The following DYM variants were observed in gnomAD, a reference collection of about 807,000 sequenced individuals.
DYM encodes the protein dyggve-Melchior-Clausen syndrome protein.
Under a neutral mutation model 93.1 loss-of-function variants are expected in DYM, and 78 were observed. That is an observed-to-expected ratio of 0.84 (90% CI 0.70 to 1.01). DYM has a LOEUF of 1.01. Ranked by LOEUF, DYM falls within the 50% of genes least tolerant of loss-of-function variation. The pLI is 0.00. For missense variants in DYM, 789 were observed against 845.0 expected (o/e 0.93, Z 0.82); for synonymous variants, 321 against 319.7 (o/e 1.00, Z -0.04).
At chr18:49,272,030 C>T (rs534411412) in intron 11 of DYM, 148 bp downstream of exon 11, 5 of 573,166 alleles carry the variant, frequency 8.7e-6, no homozygotes, top group African/African-American at 7.8e-5. Context: ...AAAAGCACCG[C>T]TTCATAAATC....
intron 6 of DYM, among the ~76,000 whole-genome samples, chr18:49,350,726 G>GAAAAAAAAAAAAAAAAAAA (rs72289769): frequency 7.0e-4 from 84 of 119,862 alleles, no homozygotes; most frequent in Non-Finnish European, 9.0e-4. Context: ...GAAAAAAAAA[G>GAAAAAAAAAAAAAAAAAAA]AAAAAAAAAA....
intron 17 of DYM, among the ~76,000 whole-genome samples, chr18:49,049,232 A>G (rs890368434): frequency 1.3e-5 from 2 of 152,226 alleles, no homozygotes; most frequent in Non-Finnish European, 2.9e-5. Context: ...AAGAATTTAC[A>G]TATAGTTACT....
chr18:49,100,776 C>T (rs534188799), intron 16 of DYM, among the ~76,000 whole-genome samples: 20 of 152,266 alleles, frequency 1.3e-4, no homozygotes, highest in African/African-American at 3.9e-4. Flanking sequence ...AAATCTCTGT[C>T]CTACAGAATT....
intron 17 of DYM, among the ~76,000 whole-genome samples, chr18:49,092,506 G>A (rs758641126): frequency 5.3e-5 from 8 of 152,172 alleles, no homozygotes; most frequent in Admixed American, 2.0e-4. Context: ...CAACGCAAGG[G>A]GGTGCCTTTC....
chr18:49,165,525 A>G (rs2087751929), intron 14 of DYM, among the ~76,000 whole-genome samples: 1 of 152,164 alleles, frequency 6.6e-6, no homozygotes, highest in Non-Finnish European at 1.5e-5. Flanking sequence ...TTTAAAAAGG[A>G]TATCCATTGA....
At chr18:49,327,912 C>G (rs2063017691) in intron 8 of DYM, among the ~76,000 whole-genome samples, 1 of 152,028 alleles carries the variant, frequency 6.6e-6, no homozygotes, top group Admixed American at 6.6e-5. Context: ...CAGGGGACAC[C>G]CACACAAGTC....
intron 17 of DYM, among the ~76,000 whole-genome samples, chr18:49,050,904 C>T (rs903586314): frequency 1.3e-5 from 2 of 151,994 alleles, no homozygotes; most frequent in Non-Finnish European, 1.5e-5. Context: ...TCTTAAGGCA[C>T]GTTTGCTGAA....
Position 49,333,833 on chromosome 18 carries a change from G to A in DYM, c.515C>T (p.Ser172Leu), listed in dbSNP as rs2063485828. 1 of 1,611,214 alleles carries A rather than the reference G, an allele frequency of 6.2e-7. No homozygotes were observed. The highest frequency in any genetic ancestry group is 1.3e-5 in the African/African-American group (1 of 74,836). Residue 172 changes from serine (S) to leucine (L), a missense_variant, in exon 7 of 18, where the codon TCA becomes TTA. By Grantham distance (145) the Ser-to-Leu change is moderately radical. Transcript: ENST00000675505. The part of the protein sequence containing the change: ...IPLLDITYEI[S>L]VEAISTMVVF... ...AACCATTGTTGATATAGCTTCTACT[G>A]ATATTTCATATGTAATATCTCTAAA...
At chr18:49,067,290 GCA>G (rs2076507317) in intron 17 of DYM, among the ~76,000 whole-genome samples, 4 of 109,966 alleles carry the variant, frequency 3.6e-5, no homozygotes, top group Admixed American at 1.1e-4. Context: ...GGTGATGTGA[GCA>G]CTATGGAGGT....
intron 1 of DYM, among the ~76,000 whole-genome samples, chr18:49,458,008 T>C (rs77330455): frequency 6.6e-6 from 1 of 152,174 alleles, no homozygotes; most frequent in Non-Finnish European, 1.5e-5. Flanking sequence ...CACAGCCTTG[T>C]TGACAGCCAG....
At chr18:49,424,491 C>G (rs1040011130) in intron 2 of DYM, among the ~76,000 whole-genome samples, 8 of 151,940 alleles carry the variant, frequency 5.3e-5, no homozygotes, top group African/African-American at 1.9e-4. Flanking sequence ...TGGCACAGGA[C>G]AGGGATGCCT....
chr18:49,131,379 A>AT (rs1272375349), intron 15 of DYM, among the ~76,000 whole-genome samples: 83 of 151,760 alleles, frequency 5.5e-4, no homozygotes, highest in East Asian at 1.4e-3. Context: ...CGCCTGACTG[A>AT]TTTTTTTTAA....
At chr18:49,277,301 G>C (rs1364823733) in intron 10 of DYM, among the ~76,000 whole-genome samples, 1 of 152,088 alleles carries the variant, frequency 6.6e-6, no homozygotes, top group East Asian at 1.9e-4. Flanking sequence ...GATGTTTTAG[G>C]GAGAAGTACA....
chr18:49,249,702 T>C (rs1401219219), intron 13 of DYM, among the ~76,000 whole-genome samples: 1 of 151,712 alleles, frequency 6.6e-6, no homozygotes, highest in African/African-American at 2.4e-5. Flanking sequence ...ATATGTGTCA[T>C]CATGAGTGCA....
In DYM at chr18:49,276,003, T is replaced by A. The variant is rs976713227; in HGVS notation, c.1126-3700A>T. Among the ~76,000 whole-genome samples, 16 of 152,304 alleles carry A rather than the reference T, an allele frequency of 1.1e-4. No homozygotes were observed. The Middle Eastern group carries it at 0.01, about 97-fold the overall frequency. ...TTAGGATTATCTATATATAAGATAA[T>A]GTCATCTGCAAATACAGATAATTTT... On this transcript the variant is annotated intron_variant, in intron 10 of 17. Transcript: ENST00000675505.
At chr18:49,120,809 T>G (rs998823877) in intron 15 of DYM, among the ~76,000 whole-genome samples, 108 of 152,290 alleles carry the variant, frequency 7.1e-4, no homozygotes, top group African/African-American at 2.6e-3. Context: ...ACAATTTACC[T>G]CTGTCTTTCT....
chr18:49,211,713 A>G (rs2092794445), intron 13 of DYM, among the ~76,000 whole-genome samples: 1 of 152,212 alleles, frequency 6.6e-6, no homozygotes, highest in Non-Finnish European at 1.5e-5. Flanking sequence ...TGTACACACA[A>G]TCTCTACCCT....
intron 13 of DYM, among the ~76,000 whole-genome samples, chr18:49,255,590 T>C (rs1284311706): frequency 1.3e-5 from 2 of 150,662 alleles, no homozygotes; most frequent in Non-Finnish European, 3.0e-5. Flanking sequence ...GGAGAATCAC[T>C]TGAACCCAGG....
At chr18:49,224,785 T>C (rs1442294376) in intron 13 of DYM, among the ~76,000 whole-genome samples, 1 of 152,096 alleles carries the variant, frequency 6.6e-6, no homozygotes, top group African/African-American at 2.4e-5. Flanking sequence ...CTACCCAGTA[T>C]ATGCTATTTT....
Sources: gnomAD v4.1 joint callset for allele counts (sites outside exome capture counted in the v4.1 genomes callset) on GRCh38, gnomAD v4.1.1 for gene constraint, MANE v1.5 for transcripts, NCBI Gene and HGNC (gene_info 2026-07-23, HGNC 2026-07-21) for gene names.